Variants in MAGI2 observed in about 807,000 individuals in gnomAD.
The protein encoded by MAGI2 is membrane associated guanylate kinase, WW and PDZ domain containing 2, also known as membrane-associated guanylate kinase, WW and PDZ domain-containing protein 2.
A neutral mutation model predicts 133.3 loss-of-function variants in MAGI2; 35 were observed. The observed-to-expected ratio is 0.26, with a 90% CI of 0.20 to 0.35. The LOEUF (loss-of-function observed/expected upper bound fraction) is 0.35. Ranked by LOEUF, MAGI2 falls within the 10% of genes least tolerant of loss-of-function variation. The probability of loss-of-function intolerance (pLI) is 1.00; values close to 1 mark genes in which losing one functional copy is unlikely to be tolerated. For synonymous variants in MAGI2, 729 were observed against 710.6 expected, an observed-to-expected ratio of 1.03 and a Z score of -0.41; for missense variants, 1,636 against 1,863.4, an observed-to-expected ratio of 0.88 and a Z score of 2.25.
chr7:78,282,225 C>T (rs1795681173), intron 9 of MAGI2, among the ~76,000 whole-genome samples: 1 of 152,070 alleles, frequency 6.6e-6, no homozygotes, highest in South Asian at 2.1e-4. Context: ...GTGGCTGATG[C>T]TCCTTTACCT....
chr7:79,299,544 G>C (rs1430767575), intron 1 of MAGI2, among the ~76,000 whole-genome samples: 5 of 17,884 alleles, frequency 2.8e-4, no homozygotes, highest in Non-Finnish European at 5.6e-4. Context: ...GACAGAGCAA[G>C]ACTCCATCTC....
chr7:78,691,221 C>T (rs955563603), intron 2 of MAGI2, among the ~76,000 whole-genome samples: 2 of 152,272 alleles, frequency 1.3e-5, no homozygotes, highest in South Asian at 2.1e-4. Context: ...ACCACTCTTA[C>T]GTGCTTTCAT....
At chr7:78,939,396 G>A (rs1463997029) in intron 2 of MAGI2, among the ~76,000 whole-genome samples, 15 of 152,254 alleles carry the variant, frequency 9.9e-5, no homozygotes, top group Admixed American at 6.5e-5. Flanking sequence ...ATAAAGAGAC[G>A]GGGCTGAATG....
At chr7:78,108,715 T>TACACACAC (rs1818973802) in intron 20 of MAGI2, among the ~76,000 whole-genome samples, 1 of 117,452 alleles carries the variant, frequency 8.5e-6, no homozygotes, top group African/African-American at 2.6e-5. Flanking sequence ...TGTGAGTGTA[T>TACACACAC]ATATGTGTGT....
intron 1 of MAGI2, among the ~76,000 whole-genome samples, chr7:79,172,397 T>G (rs1326806746): frequency 6.6e-6 from 1 of 152,050 alleles, no homozygotes; most frequent in Non-Finnish European, 1.5e-5. Context: ...AAATCTCTTT[T>G]TTTGGACAAA....
At chr7:78,196,331 GATCA>G in intron 11 of MAGI2, among the ~76,000 whole-genome samples, 1 of 152,144 alleles carries the variant, frequency 6.6e-6, no homozygotes, top group East Asian at 1.9e-4. Context: ...GTCTCAAACA[GATCA>G]GACGCAAACA....
intron 1 of MAGI2, among the ~76,000 whole-genome samples, chr7:79,378,272 G>T (rs1293289123): frequency 2.6e-5 from 4 of 151,804 alleles, no homozygotes; most frequent in African/African-American, 9.7e-5. Context: ...ATAATATCAA[G>T]GACTTATATA....
chr7:78,437,969 T>TG (rs1787211906), intron 6 of MAGI2, among the ~76,000 whole-genome samples: 1 of 152,174 alleles, frequency 6.6e-6, no homozygotes, highest in Non-Finnish European at 1.5e-5. Context: ...AGTAATAAAA[T>TG]GCCAAAAATC....
chr7:79,429,102 T>C (rs1240844542), intron 1 of MAGI2, among the ~76,000 whole-genome samples: 2 of 152,094 alleles, frequency 1.3e-5, no homozygotes, highest in Non-Finnish European at 2.9e-5. Context: ...GCTTCATAAA[T>C]TAAGGATGTA....
In MAGI2 at chr7:78,024,608, T is replaced by A. The variant is rs1478198238; in HGVS notation, c.3707-4632A>T. ...ATATGTGAACCCTGTCAACTTATCT[T>A]CACCTTCACTTTCACCGCCCTAATT... On this transcript the variant is annotated intron_variant, in intron 21 of 21. Coordinates refer to ENST00000354212, the MANE Select transcript of MAGI2 (RefSeq NM_012301.4). Among the ~76,000 whole-genome samples, 4 of 152,360 alleles carry A rather than the reference T, an allele frequency of 2.6e-5. No homozygotes were observed. In the East Asian group the frequency reaches 7.7e-4, roughly 29 times the overall value.
At chr7:79,401,451 C>T (rs1845463339) in intron 1 of MAGI2, among the ~76,000 whole-genome samples, 1 of 152,130 alleles carries the variant, frequency 6.6e-6, no homozygotes, top group Non-Finnish European at 1.5e-5. Context: ...GGGCTTGTTT[C>T]CAGCTGTCAT....
At chr7:78,049,933 C>T (rs971267889) in intron 21 of MAGI2, among the ~76,000 whole-genome samples, 5 of 152,188 alleles carry the variant, frequency 3.3e-5, no homozygotes, top group African/African-American at 1.2e-4. Context: ...ATTTTCCACA[C>T]ATTTGTACTC....
intron 10 of MAGI2, among the ~76,000 whole-genome samples, chr7:78,243,623 TA>T (rs889460078): frequency 1.3e-5 from 2 of 151,816 alleles, no homozygotes; most frequent in East Asian, 1.9e-4. Flanking sequence ...TCTTTGAATG[TA>T]AAAAAAAGAT....
At position 79,185,076 on chromosome 7, in the gene MAGI2, C is replaced by A. The variant is rs114988916; in HGVS notation, c.302-177870G>T. ...GGGTTCCTAAGCCTACTTTGAACCC[C>A]AAATCTGGAGACAAGTACTCTGAGT... On this transcript the variant is annotated intron_variant, in intron 1 of 21. Coordinates refer to ENST00000354212, the MANE Select transcript of MAGI2 (RefSeq NM_012301.4). Among the ~76,000 whole-genome samples the A allele has an allele frequency of 9.4e-3, 1,428 of 151,762 alleles. 41 individuals carry two copies. The highest frequency in any genetic ancestry group is 0.032 in the African/African-American group (1,334 of 41,328).
rs1007481723 is a variant in MAGI2, at chr7:78,017,998, T to C, written c.*1317A>G. 3 of 152,240 alleles carry C rather than the reference T, an allele frequency of 2.0e-5. No homozygotes were observed. The highest frequency in any genetic ancestry group is 7.2e-5 in the African/African-American group (3 of 41,468). 9.4% of individuals were successfully genotyped at this position (152,240 alleles called of 1,614,324 possible). On this transcript the variant is annotated 3_prime_UTR_variant, in exon 22 of 22. Coordinates refer to ENST00000354212, the MANE Select transcript of MAGI2 (RefSeq NM_012301.4). ...TATGTGTAGCTACAGTAAGTACCAA[T>C]GGCTAATTAATTGAAGCTAACATTT... is the stretch of plus-strand genomic sequence containing the variant.
intron 6 of MAGI2, among the ~76,000 whole-genome samples, chr7:78,439,105 C>A (rs895809250): frequency 6.6e-6 from 1 of 152,150 alleles, no homozygotes; most frequent in East Asian, 1.9e-4. Flanking sequence ...GTCTGCCATT[C>A]CAAACACCCA....
At chr7:78,933,038 A>G (rs1800252302) in intron 2 of MAGI2, among the ~76,000 whole-genome samples, 1 of 152,088 alleles carries the variant, frequency 6.6e-6, no homozygotes, top group Admixed American at 6.6e-5. Flanking sequence ...TAAAATTTTT[A>G]CCAGTCGATT....
At chr7:78,737,700 A>AT (rs1159576593) in intron 2 of MAGI2, among the ~76,000 whole-genome samples, 1 of 152,126 alleles carries the variant, frequency 6.6e-6, no homozygotes, top group East Asian at 1.9e-4. Context: ...TCTTTTTACT[A>AT]TTTTTTGTTT....
At chr7:78,497,730 ATCTATC>A (rs1794226522) in intron 5 of MAGI2, among the ~76,000 whole-genome samples, 2 of 89,770 alleles carry the variant, frequency 2.2e-5, no homozygotes, top group East Asian at 6.5e-4. Context: ...TATTCTATCT[ATCTATC>A]TATCTATCTA....
Sources: allele counts gnomAD v4.1 joint callset (sites outside exome capture counted in the v4.1 genomes callset), GRCh38; gene constraint gnomAD v4.1.1; transcripts MANE v1.5; gene names NCBI Gene and HGNC (gene_info 2026-07-23, HGNC 2026-07-21).